Variants in CHLSN observed in about 807,000 individuals in gnomAD.
CHLSN encodes the protein cholesin.
the CHLSN span, chr7:988,882 C>T: frequency 9.3e-7 from 1 of 1,080,760 alleles, no homozygotes; most frequent in Non-Finnish European, 1.3e-6. Flanking sequence ...GGTCCTCCCA[C>T]CCTCTCTCCT....
chr7:1,117,103 A>G, the CHLSN span, among the ~76,000 whole-genome samples: 1 of 117,502 alleles, frequency 8.5e-6, no homozygotes, highest in South Asian at 2.9e-4. Context: ...ACCGGCTTCC[A>G]TCACCGACGC....
At chr7:1,079,234 C>G in the CHLSN span, among the ~76,000 whole-genome samples, 6 of 152,222 alleles carry the variant, frequency 3.9e-5, no homozygotes, top group Non-Finnish European at 7.3e-5. Context: ...AGGGACACAC[C>G]TGAGGCTGCG....
the CHLSN span, chr7:1,127,122 A>G: frequency 4.0e-6 from 4 of 998,424 alleles, no homozygotes; most frequent in Non-Finnish European, 5.6e-6. Flanking sequence ...GAAGGCACCA[A>G]GCCCCACCAC....
the CHLSN span, among the ~76,000 whole-genome samples, chr7:1,105,986 G>A: frequency 1.3e-5 from 2 of 151,496 alleles, no homozygotes; most frequent in African/African-American, 4.9e-5. Flanking sequence ...CACACGGAGG[G>A]GAGAGGAGAG....
chr7:1,107,381 C>T, the CHLSN span, among the ~76,000 whole-genome samples: 1 of 152,166 alleles, frequency 6.6e-6, no homozygotes, highest in East Asian at 1.9e-4. Context: ...GAACCCACTA[C>T]ACAGAAGCCA....
At chr7:1,079,681 C>T in the CHLSN span, among the ~76,000 whole-genome samples, 1 of 152,176 alleles carries the variant, frequency 6.6e-6, no homozygotes, top group African/African-American at 2.4e-5. Flanking sequence ...CCGTGGCAGG[C>T]AGGCCCTGGC....
At chr7:1,031,089 C>G in the CHLSN span, among the ~76,000 whole-genome samples, 4 of 152,204 alleles carry the variant, frequency 2.6e-5, no homozygotes, top group Non-Finnish European at 5.9e-5. Context: ...CCTCCCCCAG[C>G]AGGTCGGCAG....
chr7:1,001,287 G>C, the CHLSN span, among the ~76,000 whole-genome samples: 1 of 152,222 alleles, frequency 6.6e-6, no homozygotes, highest in Admixed American at 6.5e-5. Flanking sequence ...TGTGCCTGTT[G>C]TGAGCGCTGC....
the CHLSN span, among the ~76,000 whole-genome samples, chr7:1,099,934 G>A: frequency 3.3e-5 from 5 of 152,202 alleles, no homozygotes; most frequent in Non-Finnish European, 5.9e-5. Context: ...AATACCGTGC[G>A]GCAGATGCAC....
chr7:1,048,996 A>G, the CHLSN span, among the ~76,000 whole-genome samples: 1 of 152,256 alleles, frequency 6.6e-6, no homozygotes, highest in Non-Finnish European at 1.5e-5. Flanking sequence ...AAACCATAAA[A>G]CTGCAAAGCC....
the CHLSN span, chr7:984,431 C>G: frequency 6.5e-7 from 1 of 1,548,640 alleles, no homozygotes; most frequent in Non-Finnish European, 8.7e-7. Flanking sequence ...CGCTACGGGC[C>G]GGTGTTCACC....
At chr7:985,423 C>T in the CHLSN span, 15 of 1,314,120 alleles carry the variant, frequency 1.1e-5, no homozygotes, top group Non-Finnish European at 1.2e-5. Flanking sequence ...CTCAGCTTCT[C>T]GGCCCTCCCA....
At chr7:1,092,986 G>A in the CHLSN span, 1 of 874,544 alleles carries the variant, frequency 1.1e-6, no homozygotes, top group Non-Finnish European at 1.9e-6. Context: ...TCGGGGCCTC[G>A]CGAGGGTCAC....
At chr7:980,984 C>T in the CHLSN span, among the ~76,000 whole-genome samples, 194 of 152,114 alleles carry the variant, frequency 1.3e-3, no homozygotes, top group African/African-American at 4.5e-3. Context: ...TAAGCCACTG[C>T]GCCTGGCCAA....
At chr7:1,039,043 G>A in the CHLSN span, among the ~76,000 whole-genome samples, 37 of 58,828 alleles carry the variant, frequency 6.3e-4, no homozygotes, top group African/African-American at 1.4e-3. Context: ...CAGCCGCCCC[G>A]TCCGGGAGGG....
chr7:1,000,624 C>T, the CHLSN span: 43 of 1,248,792 alleles, frequency 3.4e-5, no homozygotes, highest in East Asian at 5.3e-4. Context: ...CCTGAGAGAT[C>T]GGGGACGCCT....
chr7:1,115,508 CGG>C, the CHLSN span, among the ~76,000 whole-genome samples: 1 of 148,442 alleles, frequency 6.7e-6, no homozygotes, highest in South Asian at 2.2e-4. Flanking sequence ...CTCTACGGAC[CGG>C]CTTCCATCAC....
chr7:1,119,609 C>T, the CHLSN span, among the ~76,000 whole-genome samples: 1 of 152,230 alleles, frequency 6.6e-6, no homozygotes, highest in South Asian at 2.1e-4. Context: ...GGCGCAGTGG[C>T]TCACGCCTGT....
At chr7:1,115,363 C>T in the CHLSN span, among the ~76,000 whole-genome samples, 3 of 152,262 alleles carry the variant, frequency 2.0e-5, no homozygotes, top group Admixed American at 6.5e-5. Flanking sequence ...CAGGCTCGCC[C>T]TCACCGGGCG....
Sources: gnomAD v4.1 joint callset for allele counts (sites outside exome capture counted in the v4.1 genomes callset) on GRCh38, gnomAD v4.1.1 for gene constraint, MANE v1.5 for transcripts, NCBI Gene and HGNC (gene_info 2026-07-23, HGNC 2026-07-21) for gene names.